The following PDE4D variants were observed in gnomAD, a reference collection of about 807,000 sequenced individuals.
The protein encoded by PDE4D is 3',5'-cyclic-AMP phosphodiesterase 4D.
A neutral mutation model predicts 87.4 loss-of-function variants in PDE4D; 24 were observed. The observed-to-expected ratio is 0.27, with a 90% CI of 0.20 to 0.39. The LOEUF (loss-of-function observed/expected upper bound fraction) is 0.39. Ranked by LOEUF, PDE4D falls within the 10% of genes least tolerant of loss-of-function variation. The probability of loss-of-function intolerance (pLI) is 1.00; values close to 1 mark genes in which losing one functional copy is unlikely to be tolerated. For missense variants in PDE4D, 714 were observed against 1,041.0 expected (o/e 0.69, Z 4.32); for synonymous variants, 384 against 383.2 (o/e 1.00, Z -0.02).
At chr5:59,395,210 C>A (rs6862564) in intron 1 of PDE4D, among the ~76,000 whole-genome samples, 4 of 151,624 alleles carry the variant, frequency 2.6e-5, no homozygotes, top group Non-Finnish European at 4.4e-5. Flanking sequence ...CGGGAAGCTC[C>A]AACTGGGTGG....
At chr5:59,773,529 A>G (rs974830102) in intron 1 of PDE4D, among the ~76,000 whole-genome samples, 1 of 152,136 alleles carries the variant, frequency 6.6e-6, no homozygotes, top group Non-Finnish European at 1.5e-5. Flanking sequence ...TTTCTGAGGC[A>G]TGGTATTGAA....
chr5:60,407,444 C>CTTTTTT (rs70975385), intron 1 of PDE4D, among the ~76,000 whole-genome samples: 4 of 80,092 alleles, frequency 5.0e-5, no homozygotes, highest in African/African-American at 1.2e-4. Flanking sequence ...TTTCTTTTTC[C>CTTTTTT]TTTTTTTTTT....
intron 1 of PDE4D, among the ~76,000 whole-genome samples, chr5:59,843,408 A>C (rs1040246777): frequency 9.2e-5 from 14 of 152,052 alleles, no homozygotes; most frequent in Non-Finnish European, 1.8e-4. Flanking sequence ...AGAGCCAAAA[A>C]AAAATCATCT....
At chr5:59,385,112 T>G (rs1003009105) in intron 1 of PDE4D, among the ~76,000 whole-genome samples, 1 of 152,182 alleles carries the variant, frequency 6.6e-6, no homozygotes, top group African/African-American at 2.4e-5. Context: ...TTCAGCCTCC[T>G]CCTCAACACC....
chr5:59,039,549 G>A, intron 5 of PDE4D: 1 of 982,824 alleles, frequency 1.0e-6, no homozygotes, highest in Non-Finnish European at 1.2e-6. Context: ...CGGGCGGCAG[G>A]CGCAGCGCGG....
chr5:59,420,720 T>C (rs1227017606), intron 1 of PDE4D, among the ~76,000 whole-genome samples: 2 of 137,992 alleles, frequency 1.4e-5, no homozygotes, highest in African/African-American at 2.7e-5. Flanking sequence ...GAAAAGAAAA[T>C]GGAAACTTGA....
chr5:59,129,734 G>A (rs1230504194), intron 5 of PDE4D, among the ~76,000 whole-genome samples: 1 of 151,992 alleles, frequency 6.6e-6, no homozygotes, highest in African/African-American at 2.4e-5. Flanking sequence ...CATTCTGGTC[G>A]CGAATGGTGA....
chr5:59,808,809 G>A (rs939487679), intron 1 of PDE4D, among the ~76,000 whole-genome samples: 3 of 152,044 alleles, frequency 2.0e-5, no homozygotes, highest in African/African-American at 7.2e-5. Flanking sequence ...AATGCTGCTT[G>A]CAAGAGTGGC....
In PDE4D at chr5:59,193,535, G is replaced by A. The variant is rs1744781836; in HGVS notation, c.649C>T (p.His217Tyr). The stretch of plus-strand genomic sequence containing the variant: ...GGAGTCACAATCAAGTCATCTCCGT[G>A]TCTGAAAAATAAACCAAATCCCGCA... ...SRNSSIASDI[H>Y]GDDLIVTPFA... The change falls in exon 3 of 15, where the codon CAC becomes TAC. Residue 217 changes from histidine (H) to tyrosine (Y), a missense_variant and splice_region_variant. Transcript: ENST00000340635. 4 of 1,613,342 alleles carry A rather than the reference G, an allele frequency of 2.5e-6. No homozygotes were observed. Among genetic ancestry groups the A allele is most frequent in the South Asian group, 2.2e-5 (2 of 90,962 alleles).
intron 2 of PDE4D, among the ~76,000 whole-genome samples, chr5:59,198,063 C>T (rs534293845): frequency 1.3e-5 from 2 of 152,218 alleles, no homozygotes; most frequent in African/African-American, 4.8e-5. Flanking sequence ...CAGTGAATAT[C>T]GCCTGGACAT....
chr5:59,661,588 A>G (rs902039808), intron 1 of PDE4D, among the ~76,000 whole-genome samples: 1 of 152,174 alleles, frequency 6.6e-6, no homozygotes, highest in Admixed American at 6.5e-5. Context: ...TAGGTAAATA[A>G]ACTTGTGTAT....
intron 1 of PDE4D, among the ~76,000 whole-genome samples, chr5:59,738,587 A>G (rs1758410507): frequency 6.6e-6 from 1 of 152,074 alleles, no homozygotes; most frequent in Admixed American, 6.6e-5. Context: ...AGAATTGGGG[A>G]AGGGTACACT....
chr5:59,472,114 C>T (rs949621018), intron 1 of PDE4D, among the ~76,000 whole-genome samples: 1 of 152,146 alleles, frequency 6.6e-6, no homozygotes, highest in African/African-American at 2.4e-5. Context: ...GCTATTACTA[C>T]ATACGGTCTT....
At chr5:60,430,853 T>C (rs1395533530) in intron 1 of PDE4D, 1 of 243,720 alleles carries the variant, frequency 4.1e-6, no homozygotes, top group Admixed American at 5.0e-5. Context: ...GAGCACAGGG[T>C]TGGGGGTAAG....
At chr5:60,231,464 T>C (rs774666228) in intron 1 of PDE4D, among the ~76,000 whole-genome samples, 2 of 151,578 alleles carry the variant, frequency 1.3e-5, no homozygotes, top group Non-Finnish European at 3.0e-5. Flanking sequence ...AGCTGTGCAA[T>C]GGAAAAAAAA....
At chr5:59,473,306 G>A (rs745888590) in intron 1 of PDE4D, among the ~76,000 whole-genome samples, 20 of 151,722 alleles carry the variant, frequency 1.3e-4, no homozygotes, top group East Asian at 3.9e-4. Flanking sequence ...TCTTAATTTC[G>A]AGTGGCCAGA....
At chr5:59,646,632 G>C (rs1224734259) in intron 1 of PDE4D, among the ~76,000 whole-genome samples, 1 of 152,052 alleles carries the variant, frequency 6.6e-6, no homozygotes, top group South Asian at 2.1e-4. Flanking sequence ...TTAGGTCCTC[G>C]ATTTGTGGCA....
Position 60,256,515 on chromosome 5 carries a change from T to G in PDE4D, c.-89-70828A>C, listed in dbSNP as rs1749067981. On this transcript the variant is annotated intron_variant, in intron 1 of 16. Coordinates refer to the PDE4D transcript ENST00000502484. Reference sequence around the variant, plus strand: ...AATTACCTGGAAATATGATCACAATTTGAATCTCATGAATGTTTTAGAACG... The same window carrying G: ...AATTACCTGGAAATATGATCACAATGTGAATCTCATGAATGTTTTAGAACG... Among the ~76,000 whole-genome samples the G allele has an allele frequency of 2.6e-5, 4 of 152,060 alleles. No homozygotes were observed. The South Asian group carries it at 8.3e-4, about 32-fold the overall frequency.
At chr5:60,474,334 C>A (rs1748141733) in intron 1 of PDE4D, among the ~76,000 whole-genome samples, 1 of 151,408 alleles carries the variant, frequency 6.6e-6, no homozygotes, top group South Asian at 2.1e-4. Flanking sequence ...CCTCAAGACT[C>A]TTTATAAGGG....
Sources: allele counts gnomAD v4.1 joint callset (sites outside exome capture counted in the v4.1 genomes callset), GRCh38; gene constraint gnomAD v4.1.1; transcripts MANE v1.5; gene names NCBI Gene and HGNC (gene_info 2026-07-23, HGNC 2026-07-21).